The following EBF1 variants were observed in gnomAD, a reference collection of about 807,000 sequenced individuals.
EBF1 encodes transcription factor COE1.
Under a neutral mutation model 68.4 loss-of-function variants are expected in EBF1, and 10 were observed. The ratio of observed to expected loss-of-function variants is 0.15; its 90% confidence interval spans 0.09 to 0.25. The LOEUF (loss-of-function observed/expected upper bound fraction) is 0.25, where lower values mean the gene tolerates loss of function less well. Ranked by LOEUF, EBF1 falls within the 10% of genes least tolerant of loss-of-function variation. The probability of loss-of-function intolerance (pLI) is 1.00; values close to 1 mark genes in which losing one functional copy is unlikely to be tolerated. For missense variants in EBF1, 509 were observed against 794.4 expected (o/e 0.64, Z 4.32); for synonymous variants, 298 against 299.8 (o/e 0.99, Z 0.06).
At position 158,956,028 on chromosome 5, in the gene EBF1, ATGTGTGTGTGTGTGTG is replaced by A. The variant is rs56311243; in HGVS notation, c.555-115934_555-115919del. Reference sequence around the variant, plus strand: ...TACTGCATTAATTAAATAAATATAAATGTGTGTGTGTGTGTGTGTGTGTGTGTGTGTGTGTGTGTGT... The same window carrying A: ...TACTGCATTAATTAAATAAATATAAATGTGTGTGTGTGTGTGTGTGTGTGT... On this transcript the variant is annotated intron_variant, in intron 6 of 15. Coordinates refer to ENST00000313708, the MANE Select transcript of EBF1 (RefSeq NM_024007.5). Among the ~76,000 whole-genome samples, 336 of 141,142 alleles carry A rather than the reference ATGTGTGTGTGTGTGTG, an allele frequency of 2.4e-3. 3 individuals carry two copies. Among genetic ancestry groups the A allele is most frequent in the African/African-American group, 8.0e-3 (302 of 37,534 alleles). 92.6% of individuals were successfully genotyped at this position (141,142 alleles called of 152,430 possible).
Position 159,099,582 on chromosome 5 carries a change from C to A in EBF1, c.-104G>T, listed in dbSNP as rs1308663360. On this transcript the variant is annotated 5_prime_UTR_variant, in exon 1 of 16. Coordinates refer to ENST00000313708, the MANE Select transcript of EBF1 (RefSeq NM_024007.5). ...AAAAGAAAAGAAACAAAAACGCCAA[C>A]CAGAGATTTTTTTTTTTCTCAGACG... 6.7e-6 allele frequency: 9 copies of A among 1,343,608 alleles called. No homozygotes were observed. The Admixed American group carries it at 2.4e-4, about 36-fold the overall frequency. 83.2% of individuals were successfully genotyped at this position (1,343,608 alleles called of 1,614,324 possible).
At chr5:158,850,096 G>A (rs977516179) in intron 6 of EBF1, among the ~76,000 whole-genome samples, 67 of 152,252 alleles carry the variant, frequency 4.4e-4, no homozygotes, top group African/African-American at 1.5e-3. Context: ...AAACTTTGAT[G>A]TTGAGAAATT....
chr5:159,013,716 C>T (rs1036277450), intron 6 of EBF1, among the ~76,000 whole-genome samples: 4 of 152,092 alleles, frequency 2.6e-5, no homozygotes, highest in Admixed American at 1.3e-4. Flanking sequence ...AGCTTAACAC[C>T]CCCACCCATC....
At chr5:159,041,852 A>G (rs1014613580) in intron 6 of EBF1, among the ~76,000 whole-genome samples, 1 of 152,210 alleles carries the variant, frequency 6.6e-6, no homozygotes, top group Non-Finnish European at 1.5e-5. Context: ...AATATTGCTT[A>G]TGATTGACAC....
intron 10 of EBF1, among the ~76,000 whole-genome samples, chr5:158,760,971 G>A (rs1486519131): frequency 2.0e-5 from 3 of 152,112 alleles, no homozygotes; most frequent in Non-Finnish European, 4.4e-5. Flanking sequence ...TAGACACAAT[G>A]CCTTGTTTAA....
intron 6 of EBF1, among the ~76,000 whole-genome samples, chr5:158,899,852 A>G (rs2127286483): frequency 6.6e-6 from 1 of 152,222 alleles, no homozygotes; most frequent in South Asian, 2.1e-4. Flanking sequence ...TTGTGGGCAA[A>G]CTTTTTAACC....
At chr5:159,039,617 A>G (rs1418812531) in intron 6 of EBF1, among the ~76,000 whole-genome samples, 1 of 152,252 alleles carries the variant, frequency 6.6e-6, no homozygotes, top group Non-Finnish European at 1.5e-5. Flanking sequence ...TCGCTATTAA[A>G]TAACTTTTTT....
rs1270721139 is a variant in EBF1, at chr5:158,712,208, A to T, written c.1495T>A (p.Leu499Met). ...TTGAGGAAGGTGGGGGAGCCGCCCA[A>T]ATTGGACATTGCGGCAGAGCCGTAT... Reference protein sequence around the residue: ...NGYGSAAMSNLGGSPTFLNGS... With the variant: ...NGYGSAAMSNMGGSPTFLNGS... Residue 499 changes from leucine (L) to methionine (M), a missense_variant, in exon 14 of 16, where the codon TTG becomes ATG. By Grantham distance (15) the Leu-to-Met change is conservative (BLOSUM62 2). Transcript: ENST00000313708. 1 of 1,613,608 alleles carries T rather than the reference A, an allele frequency of 6.2e-7. No homozygotes were observed. Among genetic ancestry groups the T allele is most frequent in the African/African-American group, 1.3e-5 (1 of 74,928 alleles).
At chr5:158,812,320 C>T (rs930761302) in intron 8 of EBF1, among the ~76,000 whole-genome samples, 1 of 152,112 alleles carries the variant, frequency 6.6e-6, no homozygotes, top group Non-Finnish European at 1.5e-5. Context: ...TTAACAATTG[C>T]CACTACACCC....
chr5:158,884,671 T>G (rs1799660844), intron 6 of EBF1, among the ~76,000 whole-genome samples: 1 of 152,096 alleles, frequency 6.6e-6, no homozygotes, highest in Admixed American at 6.6e-5. Context: ...AAAATCATCA[T>G]GACAGAGTTT....
At chr5:158,820,817 A>G (rs906090892) in intron 8 of EBF1, among the ~76,000 whole-genome samples, 14 of 152,070 alleles carry the variant, frequency 9.2e-5, no homozygotes, top group Non-Finnish European at 1.9e-4. Flanking sequence ...AAATATTAAC[A>G]CTCTTAGAAG....
intron 6 of EBF1, among the ~76,000 whole-genome samples, chr5:159,022,766 C>T (rs1766964563): frequency 6.6e-6 from 1 of 151,914 alleles, no homozygotes. Flanking sequence ...ACTTGTTTCT[C>T]AAAGTCACTC....
intron 6 of EBF1, among the ~76,000 whole-genome samples, chr5:159,031,540 C>T (rs1252129717): frequency 1.3e-5 from 2 of 152,234 alleles, no homozygotes; most frequent in Non-Finnish European, 2.9e-5. Context: ...CTACATTTGA[C>T]TTCAACTGGG....
At chr5:158,842,465 G>A (rs1368164439) in intron 6 of EBF1, among the ~76,000 whole-genome samples, 1 of 152,210 alleles carries the variant, frequency 6.6e-6, no homozygotes, top group Admixed American at 6.5e-5. Flanking sequence ...CAACAAGAGT[G>A]GGTGTGATAT....
intron 6 of EBF1, among the ~76,000 whole-genome samples, chr5:158,944,452 T>C (rs1047928217): frequency 6.6e-6 from 1 of 152,220 alleles, no homozygotes; most frequent in Admixed American, 6.5e-5. Context: ...CCACGTTTTC[T>C]TTATCCAGTC....
chr5:158,928,938 C>A (rs1161726495), intron 6 of EBF1, among the ~76,000 whole-genome samples: 1 of 152,154 alleles, frequency 6.6e-6, no homozygotes, highest in Non-Finnish European at 1.5e-5. Flanking sequence ...TGCATGACAG[C>A]TCACCCTTAC....
intron 10 of EBF1, among the ~76,000 whole-genome samples, chr5:158,739,599 A>G (rs1218973019): frequency 6.6e-6 from 1 of 152,132 alleles, no homozygotes; most frequent in Non-Finnish European, 1.5e-5. Context: ...ATGAGAAGAG[A>G]AGAATAATTT....
chr5:159,013,157 C>T (rs551301015), intron 6 of EBF1, among the ~76,000 whole-genome samples: 1 of 152,300 alleles, frequency 6.6e-6, no homozygotes, highest in East Asian at 1.9e-4. Context: ...TATTAAAGTC[C>T]TTTTTGAGCA....
intron 11 of EBF1, among the ~76,000 whole-genome samples, chr5:158,727,015 C>T (rs1009636541): frequency 6.6e-6 from 1 of 152,210 alleles, no homozygotes; most frequent in Middle Eastern, 3.2e-3. Flanking sequence ...TAACACCTGA[C>T]AACAATGCCG....
Sources: gnomAD v4.1 joint callset for allele counts (sites outside exome capture counted in the v4.1 genomes callset) on GRCh38, gnomAD v4.1.1 for gene constraint, MANE v1.5 for transcripts, NCBI Gene and HGNC (gene_info 2026-07-23, HGNC 2026-07-21) for gene names.